TRIM33: variants seen among roughly 807,000 people sequenced by gnomAD.
TRIM33 encodes tripartite motif containing 33, also known as E3 ubiquitin-protein ligase TRIM33.
In TRIM33, 20 loss-of-function variants were observed where a neutral mutation model predicts 125.4. The observed-to-expected ratio is 0.16, with a 90% confidence interval of 0.11 to 0.23. The LOEUF (loss-of-function observed/expected upper bound fraction) is 0.23, where lower values mean the gene tolerates loss of function less well. Ranked by LOEUF, TRIM33 falls within the 10% of genes least tolerant of loss-of-function variation. The pLI is 1.00. For missense variants in TRIM33, 920 were observed against 1,411.4 expected, an observed-to-expected ratio of 0.65 and a Z score of 5.58; for synonymous variants, 564 against 513.9, an observed-to-expected ratio of 1.10 and a Z score of -1.32.
chr1:114,457,290 T>G (rs999863802), intron 4 of TRIM33, among the ~76,000 whole-genome samples: 1 of 152,170 alleles, frequency 6.6e-6, no homozygotes, highest in East Asian at 1.9e-4. Context: ...CCACACATAC[T>G]AATGCAGACT....
intron 8 of TRIM33, 76 bp downstream of exon 8, chr1:114,427,101 T>C (rs1647636237): frequency 3.0e-6 from 2 of 671,660 alleles, no homozygotes; most frequent in Admixed American, 2.6e-5. Context: ...AAAAATTTTA[T>C]CTAAATTTGC....
At chr1:114,419,930 A>G (rs753513625) in intron 11 of TRIM33, among the ~76,000 whole-genome samples, 5 of 152,158 alleles carry the variant, frequency 3.3e-5, no homozygotes, top group Admixed American at 1.3e-4. Context: ...ATCTTTTAAA[A>G]CTTTTACATA....
intron 1 of TRIM33, among the ~76,000 whole-genome samples, chr1:114,508,638 A>G (rs771610397): frequency 2.4e-4 from 37 of 152,128 alleles, no homozygotes; most frequent in Non-Finnish European, 4.7e-4. Flanking sequence ...GCCCTGCTTC[A>G]GTGTCTGAAT....
intron 4 of TRIM33, among the ~76,000 whole-genome samples, chr1:114,444,013 C>T (rs1648820479): frequency 6.6e-6 from 1 of 152,212 alleles, no homozygotes; most frequent in South Asian, 2.1e-4. Flanking sequence ...TATTCAGTCA[C>T]TGAACCACAT....
chr1:114,500,889 T>G (rs1652668507), intron 1 of TRIM33, among the ~76,000 whole-genome samples: 1 of 152,180 alleles, frequency 6.6e-6, no homozygotes, highest in African/African-American at 2.4e-5. Flanking sequence ...TCTCACAGCT[T>G]TCTTGAAACA....
At chr1:114,480,614 T>C (rs1425387927) in intron 1 of TRIM33, among the ~76,000 whole-genome samples, 1 of 144,978 alleles carries the variant, frequency 6.9e-6, no homozygotes, top group African/African-American at 2.6e-5. Flanking sequence ...AAAATATTGG[T>C]AAACATAGAA....
Position 114,397,620 on chromosome 1 carries a change from T to TTA in TRIM33, c.*27_*28insTA. ...TTTTTTTTTTTCGTTTTTTTTTTTT[T>TTA]AAACAATTGATTTAAATCCATGTCA... is the stretch of plus-strand genomic sequence containing the variant. On this transcript the variant is annotated 3_prime_UTR_variant, in exon 20 of 20. Transcript: ENST00000358465. 52 of 1,197,158 alleles carry TTA rather than the reference T, an allele frequency of 4.3e-5. No individual in the cohort carries two copies. Among genetic ancestry groups the TTA allele is most frequent in the Non-Finnish European group, 5.2e-5 (44 of 840,648 alleles). The allele number at this position is 1,197,158 out of a possible 1,614,324, so 74.2% of individuals were successfully genotyped here.
intron 1 of TRIM33, among the ~76,000 whole-genome samples, chr1:114,504,507 A>C (rs1652886951): frequency 6.6e-6 from 1 of 152,158 alleles, no homozygotes; most frequent in Admixed American, 6.5e-5. Flanking sequence ...CATTAATATA[A>C]ATGTCAGCGC....
At position 114,395,309 on chromosome 1, in the gene TRIM33, C is replaced by CTTA; in HGVS notation, c.*2338_*2339insTAA. The stretch of plus-strand genomic sequence containing the variant: ...TGACAAAAAAGTGGCTTTTAAATTG[C>CTTA]TTTAACCAATCTTAAAACCAAAAAA... On this transcript the variant is annotated 3_prime_UTR_variant, in exon 20 of 20. Transcript: ENST00000358465. 1 of 204,238 alleles carries CTTA rather than the reference C, an allele frequency of 4.9e-6. No homozygotes were observed. Among genetic ancestry groups the CTTA allele is most frequent in the Middle Eastern group, 1.7e-3 (1 of 606 alleles). 12.7% of individuals were successfully genotyped at this position (204,238 alleles called of 1,614,324 possible). A position where few individuals can be genotyped will look rare whatever the true frequency, so the allele number is the denominator to read the frequency against.
chr1:114,475,457 G>A (rs1333881443), intron 1 of TRIM33, among the ~76,000 whole-genome samples: 1 of 152,200 alleles, frequency 6.6e-6, no homozygotes, highest in Admixed American at 6.5e-5. Flanking sequence ...CAAGGCAAGA[G>A]GATCATGAGG....
intron 1 of TRIM33, among the ~76,000 whole-genome samples, chr1:114,493,082 T>C (rs1652164811): frequency 6.6e-6 from 1 of 152,222 alleles, no homozygotes; most frequent in South Asian, 2.1e-4. Context: ...GTTTTTTAAC[T>C]AGAGCCACCC....
At chr1:114,460,574 T>A (rs996987871) in intron 4 of TRIM33, among the ~76,000 whole-genome samples, 25 of 6,692 alleles carry the variant, frequency 3.7e-3, no homozygotes, top group African/African-American at 0.015. Context: ...CCCCGCCACC[T>A]TTTTTTTTTT....
At position 114,396,738 on chromosome 1, in the gene TRIM33, T is replaced by C. The variant is rs1651560425; in HGVS notation, c.*910A>G. 9.7e-6 allele frequency: 2 copies of C among 207,174 alleles called. No individual in the cohort carries two copies. The highest frequency in any genetic ancestry group is 7.3e-5 in the East Asian group (1 of 13,628). 12.8% of individuals were successfully genotyped at this position (207,174 alleles called of 1,614,324 possible). ...GTAGTTGACAGATACTGTTTGCCAA[T>C]AGTGGTCTATCAGAAAACTGACATG... On this transcript the variant is annotated 3_prime_UTR_variant, in exon 20 of 20. Transcript: ENST00000358465.
intron 4 of TRIM33, among the ~76,000 whole-genome samples, chr1:114,456,820 C>T (rs1043699713): frequency 7.9e-5 from 12 of 152,010 alleles, no homozygotes; most frequent in African/African-American, 2.2e-4. Flanking sequence ...CTAATTTAAA[C>T]GCAATGGTGA....
chr1:114,439,697 A>G (rs930353003), intron 4 of TRIM33, among the ~76,000 whole-genome samples: 1 of 152,086 alleles, frequency 6.6e-6, no homozygotes, highest in African/African-American at 2.4e-5. Context: ...AAGAAGCTCA[A>G]CATCCCCCAA....
At chr1:114,484,994 G>C (rs1651582872) in intron 1 of TRIM33, among the ~76,000 whole-genome samples, 1 of 151,946 alleles carries the variant, frequency 6.6e-6, no homozygotes, top group South Asian at 2.1e-4. Flanking sequence ...GGAGGTTGCA[G>C]TGAGCCGAGA....
rs1232159793 is a variant in TRIM33 at position 114,397,284 on chromosome 1, C to T, written c.*364G>A. 4 of 275,918 alleles carry T rather than the reference C, an allele frequency of 1.4e-5. No homozygotes were observed. In the South Asian group the frequency reaches 2.8e-4, roughly 19 times the overall value. The allele number at this position is 275,918 out of a possible 1,614,324, so 17.1% of individuals were successfully genotyped here. ...CAAAAAGAAAATTTATCAAGTGACA[C>T]GAGTCTCAAGTATTTACTCGTATAC... On this transcript the variant is annotated 3_prime_UTR_variant, in exon 20 of 20. Coordinates refer to ENST00000358465, the MANE Select transcript of TRIM33 (RefSeq NM_015906.4).
Position 114,402,823 on chromosome 1 carries a change from A to G in TRIM33, c.2829T>C (p.Cys943=), listed in dbSNP as rs114129540. The G allele has an allele frequency of 9.3e-6, 15 of 1,614,002 alleles. No individual in the cohort carries two copies. The East Asian group carries it at 2.9e-4, about 31-fold the overall frequency. ...CCTTCTTACTATGTTGCAAATTATCACAATCATATTCAACTTCTGGCTTTC... is the reference window on the plus strand; with the variant it reads ...CCTTCTTACTATGTTGCAAATTATCGCAATCATATTCAACTTCTGGCTTTC... ...DIGKPEVEYD[C]DNLQHSKKGK... Residue 943 remains cysteine, a synonymous_variant, in exon 16 of 20, where the codon TGT becomes TGC. Coordinates refer to ENST00000358465, the MANE Select transcript of TRIM33 (RefSeq NM_015906.4).
intron 1 of TRIM33, among the ~76,000 whole-genome samples, chr1:114,491,537 C>G (rs550742895): frequency 1.3e-5 from 2 of 152,098 alleles, no homozygotes; most frequent in Non-Finnish European, 2.9e-5. Context: ...TGCAGTGGCT[C>G]AAGTCTATAA....
Sources: allele counts gnomAD v4.1 joint callset (sites outside exome capture counted in the v4.1 genomes callset), GRCh38; gene constraint gnomAD v4.1.1; transcripts MANE v1.5; gene names NCBI Gene and HGNC (gene_info 2026-07-23, HGNC 2026-07-21).